The following ARHGEF17 variants were observed in gnomAD, a reference collection of about 807,000 sequenced individuals.
ARHGEF17 encodes Rho guanine nucleotide exchange factor 17, also known as 164 kDa Rho-specific guanine-nucleotide exchange factor.
In ARHGEF17, 80 loss-of-function variants were observed where a neutral mutation model predicts 174.0. That is an observed-to-expected ratio of 0.46 (90% CI 0.38 to 0.55). The LOEUF (loss-of-function observed/expected upper bound fraction) is 0.55, where lower values mean the gene tolerates loss of function less well. Among genes scored for constraint, ARHGEF17 ranks in the 20% least tolerant of loss-of-function variants. ARHGEF17 has a pLI of 0.00. For missense variants in ARHGEF17, 2,886 were observed against 2,839.7 expected (o/e 1.02, Z -0.37); for synonymous variants, 1,311 against 1,189.1 (o/e 1.10, Z -2.11).
intron 1 of ARHGEF17, among the ~76,000 whole-genome samples, chr11:73,332,509 A>G (rs900995497): frequency 2.0e-5 from 3 of 151,996 alleles, no homozygotes; most frequent in African/African-American, 7.3e-5. Context: ...AGATTTCAGT[A>G]AGTGCATGAA....
intron 1 of ARHGEF17, among the ~76,000 whole-genome samples, chr11:73,321,783 T>A (rs1865021294): frequency 6.6e-6 from 1 of 152,206 alleles, no homozygotes; most frequent in South Asian, 2.1e-4. Flanking sequence ...GACTTCTTGG[T>A]TCTGACATCC....
At position 73,365,245 on chromosome 11, in the gene ARHGEF17, T is replaced by G; in HGVS notation, c.5551-145T>G. The stretch of plus-strand genomic sequence containing the variant: ...TGAGAACTAAGTTGGGAGGTGCTGG[T>G]GAAACCAAGCTTCGAAAGGTTAATC... On this transcript the variant is annotated intron_variant, in intron 18 of 20. Transcript: ENST00000263674. This position sits in a 1 kb window ranked among gnomAD's most constrained non-coding sequence, Gnocchi z 4.9. The G allele has an allele frequency of 1.1e-6, 1 of 871,868 alleles. No individual in the cohort carries two copies. The highest frequency in any genetic ancestry group is 1.8e-6 in the Non-Finnish European group (1 of 570,924). 54.0% of individuals were successfully genotyped at this position (871,868 alleles called of 1,614,324 possible).
intron 1 of ARHGEF17, among the ~76,000 whole-genome samples, chr11:73,331,774 A>G (rs1227245794): frequency 6.6e-6 from 1 of 152,176 alleles, no homozygotes. Flanking sequence ...GCTGGGGACA[A>G]GAGAGCCACC....
chr11:73,310,052 C>G lies in ARHGEF17; in HGVS notation c.1414C>G (p.Leu472Val), dbSNP rs546792395. 6.2e-6 allele frequency: 10 copies of G among 1,614,200 alleles called. No homozygotes were observed. The African/African-American group carries it at 1.2e-4, about 19-fold the overall frequency. Residue 472 changes from leucine to valine, a missense_variant, in exon 1 of 21, where the codon CTG becomes GTG. Physicochemically the swap from Leu to Val is conservative, Grantham distance 32. This residue lies in a region of ARHGEF17 where 1,728 missense variants were observed against 1,461.2 expected (regional missense o/e 1.18). Coordinates refer to ENST00000263674, the MANE Select transcript of ARHGEF17 (RefSeq NM_014786.4). ...LSNPDIASET[L>V]TLLSFLRSDL... ...AAATCCAGATATCGCCTCAGAGACC[C>G]TGACGCTTCTCAGTTTCCTGCGCTC...
In ARHGEF17 at chr11:73,310,828, C is replaced by T; in HGVS notation, c.2190C>T (p.Ala730=). ...TGAGCAATGGGGAGGCAGGGGAGGCCTACAGGTCCCTGAGTGACCCAATTC... is the reference window on the plus strand; with the variant it reads ...TGAGCAATGGGGAGGCAGGGGAGGCTTACAGGTCCCTGAGTGACCCAATTC... ...SELSNGEAGE[A]YRSLSDPIPQ... Residue 730 remains alanine (A), a synonymous_variant, in exon 1 of 21, where the codon GCC becomes GCT. Transcript: ENST00000263674. The T allele has an allele frequency of 6.2e-7, 1 of 1,612,106 alleles. No homozygotes were observed. The highest frequency in any genetic ancestry group is 1.3e-5 in the African/African-American group (1 of 75,028).
chr11:73,312,670 C>T lies in ARHGEF17; in HGVS notation c.3192+840C>T, dbSNP rs576760635. Reference sequence around the variant, plus strand: ...CTGCAGAGGCTGGGCAGCCAGGGCCCTTTAGAGAGGTCAGGAGTGGTTCTG... The same window carrying T: ...CTGCAGAGGCTGGGCAGCCAGGGCCTTTTAGAGAGGTCAGGAGTGGTTCTG... On this transcript the variant is annotated intron_variant, in intron 1 of 20. Transcript: ENST00000263674. Among the ~76,000 whole-genome samples the T allele has an allele frequency of 4.0e-5, 6 of 151,860 alleles. No individual in the cohort carries two copies. The South Asian group carries it at 1.3e-3, about 32-fold the overall frequency.
At chr11:73,360,621 G>A in intron 11 of ARHGEF17, 88 bp downstream of exon 11, 1 of 1,437,854 alleles carries the variant, frequency 7.0e-7, no homozygotes, top group South Asian at 1.2e-5. Flanking sequence ...GACTTCAGGA[G>A]CCAGAACCGC....
In ARHGEF17 at chr11:73,310,810, T is replaced by G; in HGVS notation, c.2172T>G (p.Asn724Lys). 2 of 1,611,992 alleles carry G rather than the reference T, an allele frequency of 1.2e-6. No homozygotes were observed. Residue 724 changes from asparagine to lysine, a missense_variant, in exon 1 of 21, where the codon AAT (asparagine) becomes AAG (lysine). Around this residue, in one of 4 missense-constraint regions of ARHGEF17, gnomAD observed 1,728 missense variants for 1,461.2 expected, o/e 1.18. Transcript: ENST00000263674. The stretch of plus-strand genomic sequence containing the variant: ...GTTCTGGTGGGAGCGAATTGAGCAA[T>G]GGGGAGGCAGGGGAGGCCTACAGGT... ...PSGSGGSELS[N>K]GEAGEAYRSL...
At chr11:73,315,884 C>G (rs1864920935) in intron 1 of ARHGEF17, among the ~76,000 whole-genome samples, 1 of 152,210 alleles carries the variant, frequency 6.6e-6, no homozygotes, top group African/African-American at 2.4e-5. Context: ...GCTGCTAATC[C>G]TGTCCCCAGC....
rs115190026 is a variant in ARHGEF17, at chr11:73,352,931, C to T, written c.3372C>T (p.His1124=). ...FDQIPELLEH[H]EQFLEQVRHC... Reference sequence around the variant, plus strand: ...AGATCCCCGAGCTCCTGGAGCACCACGAGCAATTCCTGGAGCAGGTTCGGC... The same window carrying T: ...AGATCCCCGAGCTCCTGGAGCACCATGAGCAATTCCTGGAGCAGGTTCGGC... The change falls in exon 3 of 21, where the codon CAC becomes CAT. Residue 1124 remains histidine (H), a synonymous_variant. Coordinates refer to ENST00000263674, the MANE Select transcript of ARHGEF17 (RefSeq NM_014786.4). 470 of 1,614,146 alleles carry T rather than the reference C, an allele frequency of 2.9e-4. 7 individuals are homozygous for T. In the African/African-American group the frequency reaches 5.2e-3, roughly 18 times the overall value.
chr11:73,317,518 A>G (rs1267462237), intron 1 of ARHGEF17, among the ~76,000 whole-genome samples: 1 of 152,182 alleles, frequency 6.6e-6, no homozygotes, highest in Non-Finnish European at 1.5e-5. Context: ...GGATGGCGGT[A>G]GCAGGGTGGG....
At chr11:73,354,575 G>A (rs1005186347) in intron 3 of ARHGEF17, among the ~76,000 whole-genome samples, 7 of 152,276 alleles carry the variant, frequency 4.6e-5, no homozygotes, top group Admixed American at 1.3e-4. Context: ...TTAGGTGGGC[G>A]TGGTGGCATG....
rs1864823906 is a variant in ARHGEF17 at position 73,311,165 on chromosome 11, G to A, written c.2527G>A (p.Glu843Lys). The change falls in exon 1 of 21, where the codon GAG becomes AAG. Residue 843 changes from glutamate to lysine, a missense_variant. Transcript: ENST00000263674. ...TGGGGAGCTGGCTGGGCCTGGATTC[G>A]AGGGCCCTGGAGGGGAGCCCATCCG... ...RRGELAGPGF[E>K]GPGGEPIREV... 2 of 1,592,118 alleles carry A rather than the reference G, an allele frequency of 1.3e-6. No homozygotes were observed. The highest frequency in any genetic ancestry group is 1.7e-4 in the Middle Eastern group (1 of 5,972).
intron 3 of ARHGEF17, among the ~76,000 whole-genome samples, chr11:73,354,708 T>C (rs1865608249): frequency 7.2e-6 from 1 of 139,294 alleles, no homozygotes. Flanking sequence ...AGAGTGAGAC[T>C]CCGTCTCAAA....
chr11:73,346,201 C>T (rs899795224), intron 1 of ARHGEF17, among the ~76,000 whole-genome samples: 1 of 152,146 alleles, frequency 6.6e-6, no homozygotes, highest in South Asian at 2.1e-4. Context: ...ATAACATATA[C>T]CTCACAGGGT....
chr11:73,353,152 C>T, intron 3 of ARHGEF17, 140 bp downstream of exon 3: 1 of 1,131,374 alleles, frequency 8.8e-7, no homozygotes. Context: ...CTTGGCTAGA[C>T]ATTGGTACTT....
At chr11:73,358,568 C>T (rs1311095266) in intron 9 of ARHGEF17, among the ~76,000 whole-genome samples, 4 of 151,772 alleles carry the variant, frequency 2.6e-5, no homozygotes, top group African/African-American at 7.3e-5. Context: ...AGCAATTCCC[C>T]TGCCTCAGCC....
chr11:73,308,800 C>G lies in ARHGEF17; in HGVS notation c.162C>G (p.Pro54=), dbSNP rs761697638. ...CRPTTAARGQ[P]SRRVSKLASG... is the part of the protein sequence containing the mutation. ...CGACCACGGCTGCCCGGGGCCAGCCCTCTCGGCGCGTGTCCAAGCTGGCGT... is the reference window on the plus strand; with the variant it reads ...CGACCACGGCTGCCCGGGGCCAGCCGTCTCGGCGCGTGTCCAAGCTGGCGT... Residue 54 remains proline, a synonymous_variant, in exon 1 of 21, where the codon CCC becomes CCG. Transcript: ENST00000263674. 1.5e-6 allele frequency: 2 copies of G among 1,365,816 alleles called. No homozygotes were observed. Among genetic ancestry groups the G allele is most frequent in the East Asian group, 6.2e-5 (2 of 32,318 alleles). The allele number at this position is 1,365,816 out of a possible 1,614,324, so 84.6% of individuals were successfully genotyped here. A position where few individuals can be genotyped will look rare whatever the true frequency, so the allele number is the denominator to read the frequency against.
chr11:73,329,350 TATATATATATATATATA>T (rs1345338956), intron 1 of ARHGEF17, among the ~76,000 whole-genome samples: 3 of 42,332 alleles, frequency 7.1e-5, no homozygotes, highest in South Asian at 7.6e-4. Flanking sequence ...TATATATATA[TATATATATATATATATA>T]TATATATTTT....
Sources: allele counts gnomAD v4.1 joint callset (sites outside exome capture counted in the v4.1 genomes callset), GRCh38; gene constraint gnomAD v4.1.1; regional missense constraint gnomAD v4.1.1; non-coding constraint Gnocchi (gnomAD v3.1); transcripts MANE v1.5; gene names NCBI Gene and HGNC (gene_info 2026-07-23, HGNC 2026-07-21).